The following C8orf34 variants were observed in gnomAD, a reference collection of about 807,000 sequenced individuals.
The protein encoded by C8orf34 is chromosome 8 open reading frame 34, also known as uncharacterized protein C8orf34.
In C8orf34, 65 loss-of-function variants were observed where a neutral mutation model predicts 68.3. That is an observed-to-expected ratio of 0.95 (90% CI 0.78 to 1.17). The LOEUF is 1.17. Among genes scored for constraint, C8orf34 ranks in the 50% most tolerant of loss-of-function variants. The probability of loss-of-function intolerance (pLI) is 0.00; values close to 1 mark genes in which losing one functional copy is unlikely to be tolerated. For missense variants in C8orf34, 664 were observed against 655.4 expected (o/e 1.01, Z -0.14); for synonymous variants, 244 against 241.2 (o/e 1.01, Z -0.11).
At chr8:68,584,630 C>T (rs767041964) in intron 7 of C8orf34, among the ~76,000 whole-genome samples, 13 of 152,106 alleles carry the variant, frequency 8.5e-5, no homozygotes, top group Non-Finnish European at 1.8e-4. Context: ...CAAGGGAAAA[C>T]CCGGCAGGTG....
intron 1 of C8orf34, among the ~76,000 whole-genome samples, chr8:68,362,591 C>A (rs1212753414): frequency 6.6e-6 from 1 of 152,164 alleles, no homozygotes; most frequent in African/African-American, 2.4e-5. Flanking sequence ...GGGTCCCTGA[C>A]CCCCGAGCAG....
In C8orf34 at chr8:68,818,297, A is replaced by G. The variant is rs1437024239; in HGVS notation, c.*51A>G. On this transcript the variant is annotated 3_prime_UTR_variant, in exon 14 of 14. Coordinates refer to ENST00000518698, the MANE Select transcript of C8orf34 (RefSeq NM_052958.4). ...TCCTTAAAGAAATGCAGTTATTCAA[A>G]TCCTTATGTATAGTTCTAATTTTAT... is the stretch of plus-strand genomic sequence containing the variant. The G allele has an allele frequency of 6.4e-7, 1 of 1,568,838 alleles. No homozygotes were observed. Among genetic ancestry groups the G allele is most frequent in the Admixed American group, 1.7e-5 (1 of 59,314 alleles).
intron 1 of C8orf34, among the ~76,000 whole-genome samples, chr8:68,412,999 T>C (rs73260764): frequency 0.11 from 16,400 of 152,192 alleles, 2,015 homozygotes; most frequent in African/African-American, 0.3. Context: ...CTCAATTAGC[T>C]AATCCATAGC....
rs374057753 is a variant in C8orf34, at chr8:68,757,682, T to A, written c.1405-18717T>A. 1.4e-3 allele frequency among the ~76,000 whole-genome samples: 209 copies of A among 152,290 alleles called. 9 individuals are homozygous for A. The South Asian group carries it at 0.043, about 32-fold the overall frequency. The stretch of plus-strand genomic sequence containing the variant: ...AAAATGTTGCTTATAGGGAATATTG[T>A]GGTGAACATGTAAAGAGTAGGTGCA... On this transcript the variant is annotated intron_variant, in intron 10 of 13. Coordinates refer to ENST00000518698, the MANE Select transcript of C8orf34 (RefSeq NM_052958.4).
At chr8:68,763,181 T>A (rs1466251406) in intron 10 of C8orf34, among the ~76,000 whole-genome samples, 1 of 152,226 alleles carries the variant, frequency 6.6e-6, no homozygotes, top group East Asian at 1.9e-4. Flanking sequence ...TAAACAAAAA[T>A]TTAAGACTAG....
At chr8:68,660,823 G>C (rs1044070122) in intron 8 of C8orf34, among the ~76,000 whole-genome samples, 5 of 151,072 alleles carry the variant, frequency 3.3e-5, no homozygotes, top group Non-Finnish European at 7.4e-5. Flanking sequence ...CTTCCAAAAG[G>C]AAAAGAAAAG....
intron 8 of C8orf34, among the ~76,000 whole-genome samples, chr8:68,655,834 G>A (rs2130793890): frequency 6.6e-6 from 1 of 152,254 alleles, no homozygotes; most frequent in Middle Eastern, 3.4e-3. Context: ...ATTATAAGGA[G>A]GATGGTAGTC....
intron 5 of C8orf34, among the ~76,000 whole-genome samples, chr8:68,500,616 G>A (rs1327404762): frequency 6.6e-6 from 1 of 151,910 alleles, no homozygotes; most frequent in Non-Finnish European, 1.5e-5. Context: ...GTAAAGAAGA[G>A]AACCCTCACC....
At chr8:68,709,763 A>T (rs917046571) in intron 9 of C8orf34, among the ~76,000 whole-genome samples, 2 of 152,068 alleles carry the variant, frequency 1.3e-5, no homozygotes, top group Non-Finnish European at 2.9e-5. Context: ...CATTTTCTAT[A>T]GTATAAAATG....
chr8:68,623,351 G>A (rs888163035), intron 7 of C8orf34, among the ~76,000 whole-genome samples: 1 of 152,120 alleles, frequency 6.6e-6, no homozygotes, highest in Admixed American at 6.6e-5. Flanking sequence ...TTTTAGGCTG[G>A]ATAATTCTTA....
intron 8 of C8orf34, among the ~76,000 whole-genome samples, chr8:68,647,381 G>A (rs372606298): frequency 4.6e-5 from 7 of 152,306 alleles, no homozygotes; most frequent in Middle Eastern, 3.4e-3. Context: ...ATTGAAAAGC[G>A]TGGAGTTTCT....
At chr8:68,708,712 G>A (rs1020568516) in intron 8 of C8orf34, among the ~76,000 whole-genome samples, 19 of 152,116 alleles carry the variant, frequency 1.2e-4, no homozygotes, top group African/African-American at 3.1e-4. Context: ...GTGAAAATAC[G>A]TGCTTCTAAA....
At chr8:68,519,369 A>C (rs916592290) in intron 5 of C8orf34, among the ~76,000 whole-genome samples, 4 of 152,120 alleles carry the variant, frequency 2.6e-5, no homozygotes, top group African/African-American at 4.8e-5. Flanking sequence ...ATATATAATC[A>C]TTTTTTCTCA....
At chr8:68,537,024 T>C (rs1000687114) in intron 7 of C8orf34, among the ~76,000 whole-genome samples, 2 of 152,150 alleles carry the variant, frequency 1.3e-5, no homozygotes, top group African/African-American at 4.8e-5. Context: ...AAGGTGATCA[T>C]TTGACACTTT....
intron 10 of C8orf34, among the ~76,000 whole-genome samples, chr8:68,753,792 G>C (rs1822771577): frequency 6.6e-6 from 1 of 152,148 alleles, no homozygotes; most frequent in Admixed American, 6.5e-5. Context: ...ATGATAAAGA[G>C]AATTCTGATG....
intron 12 of C8orf34, among the ~76,000 whole-genome samples, chr8:68,815,643 C>T: frequency 6.6e-6 from 1 of 151,990 alleles, no homozygotes; most frequent in Middle Eastern, 3.2e-3. Context: ...GGCATTTTGC[C>T]TTACATTTTA....
At chr8:68,662,875 T>C (rs1819724136) in intron 8 of C8orf34, among the ~76,000 whole-genome samples, 1 of 152,206 alleles carries the variant, frequency 6.6e-6, no homozygotes, top group Admixed American at 6.5e-5. Flanking sequence ...CACCATACTT[T>C]GGAGTACCAT....
At chr8:68,481,640 T>C (rs550527218) in intron 4 of C8orf34, among the ~76,000 whole-genome samples, 17 of 152,338 alleles carry the variant, frequency 1.1e-4, no homozygotes, top group Admixed American at 3.3e-4. Flanking sequence ...ATATGAGACC[T>C]GGAGTTAAAG....
intron 5 of C8orf34, among the ~76,000 whole-genome samples, chr8:68,507,732 C>A (rs1470293740): frequency 1.3e-5 from 2 of 152,186 alleles, no homozygotes; most frequent in Admixed American, 6.5e-5. Flanking sequence ...CTTTTTATAT[C>A]TGAAACAGTT....
Sources: allele counts gnomAD v4.1 joint callset (sites outside exome capture counted in the v4.1 genomes callset), GRCh38; gene constraint gnomAD v4.1.1; transcripts MANE v1.5; gene names NCBI Gene and HGNC (gene_info 2026-07-23, HGNC 2026-07-21).